Variants in CACNA1C observed in about 807,000 individuals in gnomAD.
CACNA1C encodes calcium voltage-gated channel subunit alpha1 C.
In CACNA1C, 30 loss-of-function variants were observed where a neutral mutation model predicts 229.0. That is an observed-to-expected ratio of 0.13 (90% CI 0.10 to 0.18). The LOEUF is 0.18. Among genes scored for constraint, CACNA1C ranks in the 10% least tolerant of loss-of-function variants. CACNA1C has a pLI of 1.00. For synonymous variants in CACNA1C, 1,114 were observed against 1,132.5 expected (o/e 0.98, Z 0.33); for missense variants, 1,658 against 2,845.0 (o/e 0.58, Z 9.49).
chr12:2,070,654 A>C (rs769328427), intron 1 of CACNA1C, among the ~76,000 whole-genome samples: 14 of 152,210 alleles, frequency 9.2e-5, no homozygotes, highest in Non-Finnish European at 1.3e-4. Flanking sequence ...AGTCTAAATG[A>C]ATAATCAATA....
At chr12:2,390,303 T>C (rs1464393480) in intron 3 of CACNA1C, among the ~76,000 whole-genome samples, 1 of 152,184 alleles carries the variant, frequency 6.6e-6, no homozygotes, top group Admixed American at 6.5e-5. Context: ...AAATGAGGAC[T>C]GTCCTGGGCT....
At position 2,159,103 on chromosome 12, in the gene CACNA1C, CTTA is replaced by C. The variant is rs201557314; in HGVS notation, c.477+38676_477+38678del. On this transcript the variant is annotated intron_variant, in intron 3 of 46. Transcript: ENST00000399655. ...AAAGAAACAGCTAAGGAATTGAAAG[CTTA>C]TTGTTGTTGAGGGGCAGGTTGGGGA... 6.2e-4 allele frequency among the ~76,000 whole-genome samples: 95 copies of C among 152,016 alleles called. No homozygotes were observed. The East Asian group carries it at 0.018, about 28-fold the overall frequency.
chr12:2,431,682 C>T (rs528861481), intron 3 of CACNA1C, among the ~76,000 whole-genome samples: 1 of 152,260 alleles, frequency 6.6e-6, no homozygotes, highest in East Asian at 1.9e-4. Context: ...AACACAGGAC[C>T]TGGCATGCAG....
chr12:2,340,033 G>A (rs1348147531), intron 3 of CACNA1C, among the ~76,000 whole-genome samples: 1 of 152,020 alleles, frequency 6.6e-6, no homozygotes, highest in Non-Finnish European at 1.5e-5. Flanking sequence ...GTCCTTTTGT[G>A]GCATTAAATA....
At chr12:2,386,481 C>T (rs920141467) in intron 3 of CACNA1C, among the ~76,000 whole-genome samples, 8 of 152,144 alleles carry the variant, frequency 5.3e-5, no homozygotes, top group African/African-American at 1.4e-4. Context: ...TGTTATTTCT[C>T]ATTCTGTGTT....
intron 3 of CACNA1C, among the ~76,000 whole-genome samples, chr12:2,125,806 C>T (rs1011770538): frequency 6.6e-6 from 1 of 152,196 alleles, no homozygotes; most frequent in African/African-American, 2.4e-5. Flanking sequence ...GCAATCAGCT[C>T]TGTCTACCCA....
chr12:2,641,594 A>C, intron 30 of CACNA1C: 57 of 568,108 alleles, frequency 1.0e-4, no homozygotes, highest in Non-Finnish European at 1.3e-4. Context: ...CCCCACCCCC[A>C]ACAAACCTAA....
intron 3 of CACNA1C, among the ~76,000 whole-genome samples, chr12:2,420,145 G>GTGTGTGTGTGTC (rs1260767453): frequency 2.9e-4 from 43 of 150,290 alleles, no homozygotes; most frequent in African/African-American, 1.0e-3. Flanking sequence ...GTGTGTGTGT[G>GTGTGTGTGTGTC]TGTAGGGGGA....
At chr12:2,231,004 T>C (rs2064945624) in intron 3 of CACNA1C, among the ~76,000 whole-genome samples, 2 of 152,300 alleles carry the variant, frequency 1.3e-5, no homozygotes, top group South Asian at 4.1e-4. Context: ...CCACGCGGAC[T>C]ATTGGGAGGG....
chr12:1,996,630 AAAAAAAAAAAAAAAAAAAAAAAAAAC>A (rs1285172675), intron 1 of CACNA1C, among the ~76,000 whole-genome samples: 6 of 113,004 alleles, frequency 5.3e-5, no homozygotes, highest in East Asian at 2.4e-4. Context: ...AAAAAAAAAA[AAAAAAAAAAAAAAAAAAAAAAAAAAC>A]AACAAACTCT....
rs1418770232 is a variant in CACNA1C, at chr12:2,585,935, G to A, written c.2530+31G>A. 2.9e-6 allele frequency: 4 copies of A among 1,385,630 alleles called. No homozygotes were observed. Among genetic ancestry groups the A allele is most frequent in the East Asian group, 4.8e-5 (2 of 41,370 alleles). 85.8% of individuals were successfully genotyped at this position (1,385,630 alleles called of 1,614,324 possible). ...AGTCCCACTGCCTAACCTGGGATTG[G>A]GAGATTGGGGGCAGAGATCTAAATT... is the stretch of plus-strand genomic sequence containing the variant. On this transcript the variant is annotated intron_variant, in intron 18 of 46. Coordinates refer to ENST00000399655, the MANE Select transcript of CACNA1C (RefSeq NM_000719.7). The surrounding 1 kb of genome is among the most constrained non-coding windows in gnomAD (Gnocchi z 4.1).
chr12:2,207,406 T>A (rs2097783484), intron 3 of CACNA1C, among the ~76,000 whole-genome samples: 1 of 152,238 alleles, frequency 6.6e-6, no homozygotes. Context: ...TAATAGACAT[T>A]ATGCTGTATT....
chr12:2,172,544 A>G (rs954102478), intron 3 of CACNA1C, among the ~76,000 whole-genome samples: 1 of 152,248 alleles, frequency 6.6e-6, no homozygotes, highest in Non-Finnish European at 1.5e-5. Context: ...TATTAAAATA[A>G]TATGTCCAAA....
At chr12:2,004,179 G>T in intron 1 of CACNA1C, 1 of 1,512,324 alleles carries the variant, frequency 6.6e-7, no homozygotes, top group South Asian at 1.2e-5. Flanking sequence ...CTTCCAGGGC[G>T]TCAACGTCTC....
At chr12:2,564,279 C>A (rs1021641539) in intron 11 of CACNA1C, among the ~76,000 whole-genome samples, 4 of 152,162 alleles carry the variant, frequency 2.6e-5, no homozygotes, top group Non-Finnish European at 4.4e-5. Context: ...CCAGGCATGA[C>A]CTACTCAATA....
chr12:2,255,435 A>T (rs550177585), intron 3 of CACNA1C, among the ~76,000 whole-genome samples: 1 of 152,180 alleles, frequency 6.6e-6, no homozygotes, highest in East Asian at 1.9e-4. Flanking sequence ...TTGCCCATCC[A>T]TGCCTGCAAG....
intron 3 of CACNA1C, among the ~76,000 whole-genome samples, chr12:2,239,023 T>A (rs2068645956): frequency 6.6e-6 from 1 of 152,204 alleles, no homozygotes; most frequent in South Asian, 2.1e-4. Flanking sequence ...TTACATGACA[T>A]AACACATATG....
intron 3 of CACNA1C, among the ~76,000 whole-genome samples, chr12:2,150,402 G>A: frequency 6.6e-6 from 1 of 152,178 alleles, no homozygotes; most frequent in East Asian, 1.9e-4. Flanking sequence ...AGGGCAGAGG[G>A]AAGACAGAGT....
chr12:2,229,404 G>A (rs957930064), intron 3 of CACNA1C, among the ~76,000 whole-genome samples: 5 of 152,120 alleles, frequency 3.3e-5, no homozygotes, highest in African/African-American at 4.8e-5. Context: ...TTAAAAGTCC[G>A]TCCTTCATTC....
Sources: allele counts gnomAD v4.1 joint callset (sites outside exome capture counted in the v4.1 genomes callset), GRCh38; gene constraint gnomAD v4.1.1; non-coding constraint Gnocchi (gnomAD v3.1); transcripts MANE v1.5; gene names NCBI Gene and HGNC (gene_info 2026-07-23, HGNC 2026-07-21).